The following MIGA1 variants were observed in gnomAD, a reference collection of about 807,000 sequenced individuals.
The protein encoded by MIGA1 is family with sequence similarity 73, member A.
A neutral mutation model predicts 82.0 loss-of-function variants in MIGA1; 58 were observed. The observed-to-expected ratio is 0.71, with a 90% CI of 0.57 to 0.88. MIGA1 has a LOEUF of 0.88. Ranked by LOEUF, MIGA1 falls within the 40% of genes least tolerant of loss-of-function variation. The pLI is 0.00. For synonymous variants in MIGA1, 249 were observed against 253.6 expected, an observed-to-expected ratio of 0.98 and a Z score of 0.17; for missense variants, 751 against 749.1, an observed-to-expected ratio of 1.00 and a Z score of -0.03.
chr1:77,834,472 GC>G (rs1684355603), intron 7 of MIGA1, among the ~76,000 whole-genome samples: 1 of 152,126 alleles, frequency 6.6e-6, no homozygotes, highest in African/African-American at 2.4e-5. Flanking sequence ...CACTGCACCT[GC>G]CCCAAGTTCT....
intron 8 of MIGA1, chr1:77,848,030 T>C (rs1684908625): frequency 7.8e-7 from 1 of 1,274,542 alleles, no homozygotes; most frequent in Non-Finnish European, 1.1e-6. Flanking sequence ...GAGGGCACAG[T>C]GCCAGACACC....
chr1:77,803,347 A>G lies in MIGA1; in HGVS notation c.451A>G (p.Asn151Asp). ...CAAAGACAAAGGATCTCAAGTTTGTAACTATGCTAATGGAGGACTTTTCAG... is the reference window on the plus strand; with the variant it reads ...CAAAGACAAAGGATCTCAAGTTTGTGACTATGCTAATGGAGGACTTTTCAG... The change falls in exon 4 of 16, where the codon AAC becomes GAC. Residue 151 changes from asparagine (N) to aspartate (D), a missense_variant. Coordinates refer to ENST00000370791, the MANE Select transcript of MIGA1 (RefSeq NM_198549.4). 6.4e-7 allele frequency: 1 copy of G among 1,571,002 alleles called. No individual in the cohort carries two copies. Among genetic ancestry groups the G allele is most frequent in the Non-Finnish European group, 8.7e-7 (1 of 1,155,646 alleles).
At chr1:77,792,402 C>G (rs1682464809) in intron 2 of MIGA1, among the ~76,000 whole-genome samples, 1 of 152,082 alleles carries the variant, frequency 6.6e-6, no homozygotes, top group Non-Finnish European at 1.5e-5. Flanking sequence ...CCTGGAATTT[C>G]TTAACAAGCA....
intron 7 of MIGA1, among the ~76,000 whole-genome samples, chr1:77,825,062 C>CA (rs1683978569): frequency 7.0e-6 from 1 of 142,632 alleles, no homozygotes; most frequent in South Asian, 2.2e-4. Context: ...GATCTTGGCT[C>CA]ACTGCAACCT....
intron 7 of MIGA1, 60 bp from the exon 8 acceptor site, chr1:77,843,247 G>A: frequency 8.1e-7 from 1 of 1,229,584 alleles, no homozygotes; most frequent in Non-Finnish European, 1.2e-6. Flanking sequence ...ACTATGGAAT[G>A]TGAAATACCA....
intron 8 of MIGA1, among the ~76,000 whole-genome samples, chr1:77,844,100 TAAAAA>T (rs140327554): frequency 2.3e-4 from 16 of 68,438 alleles, no homozygotes; most frequent in African/African-American, 5.8e-4. Flanking sequence ...GACCCTGTCT[TAAAAA>T]AAAAAAAAAT....
chr1:77,846,942 C>CA (rs746237313), intron 8 of MIGA1, among the ~76,000 whole-genome samples: 234 of 151,968 alleles, frequency 1.5e-3, no homozygotes, highest in Non-Finnish European at 2.3e-3. Flanking sequence ...GAGACTGTCT[C>CA]AAAAAATAAA....
chr1:77,800,665 T>C (rs1307248299), intron 2 of MIGA1, among the ~76,000 whole-genome samples: 1 of 152,250 alleles, frequency 6.6e-6, no homozygotes. Flanking sequence ...CACATTATGC[T>C]GTAATTATTT....
intron 9 of MIGA1, 113 bp downstream of exon 9, chr1:77,859,169 A>C (rs1685373964): frequency 1.0e-6 from 1 of 1,004,880 alleles, no homozygotes; most frequent in East Asian, 2.4e-5. Flanking sequence ...CAAGTAAAGA[A>C]AAAATTATTT....
intron 1 of MIGA1, among the ~76,000 whole-genome samples, chr1:77,780,894 A>ATTTTTTC (rs1223640652): frequency 6.9e-6 from 1 of 145,530 alleles, no homozygotes. Context: ...TTGTCATAAT[A>ATTTTTTC]TTTTTTCTTT....
At chr1:77,815,682 T>C (rs1683545472) in intron 7 of MIGA1, among the ~76,000 whole-genome samples, 1 of 152,242 alleles carries the variant, frequency 6.6e-6, no homozygotes, top group Admixed American at 6.5e-5. Flanking sequence ...TCATTACCTT[T>C]GTTTCCTACT....
intron 7 of MIGA1, among the ~76,000 whole-genome samples, chr1:77,837,282 G>A (rs998763447): frequency 2.6e-5 from 4 of 152,068 alleles, no homozygotes; most frequent in African/African-American, 7.2e-5. Context: ...TTGTTGCTAA[G>A]TCTTCAGAAT....
At chr1:77,841,311 A>G (rs1213227602) in intron 7 of MIGA1, among the ~76,000 whole-genome samples, 1 of 151,936 alleles carries the variant, frequency 6.6e-6, no homozygotes, top group Non-Finnish European at 1.5e-5. Context: ...AATACTTAAA[A>G]TGTAAAGTCT....
intron 14 of MIGA1, chr1:77,868,552 CTA>C (rs1385263707): frequency 6.6e-6 from 1 of 152,166 alleles, no homozygotes; most frequent in Non-Finnish European, 1.5e-5. Context: ...CCATAGATAC[CTA>C]TATGTCTCAC....
intron 14 of MIGA1, among the ~76,000 whole-genome samples, chr1:77,871,039 C>T (rs947586585): frequency 6.2e-4 from 86 of 138,698 alleles, no homozygotes; most frequent in Non-Finnish European, 1.2e-3. Flanking sequence ...GGCAGCAGTA[C>T]CGTCCAGCTT....
At chr1:77,821,362 A>G (rs373538842) in intron 7 of MIGA1, among the ~76,000 whole-genome samples, 9 of 150,770 alleles carry the variant, frequency 6.0e-5, no homozygotes, top group African/African-American at 2.2e-4. Context: ...GTTCTGAGTC[A>G]TCATTCTGAA....
chr1:77,818,578 T>G (rs1423895891), intron 7 of MIGA1, among the ~76,000 whole-genome samples: 2 of 152,156 alleles, frequency 1.3e-5, no homozygotes, highest in Admixed American at 6.5e-5. Flanking sequence ...CCCCTAGCTA[T>G]TAACACACAG....
intron 7 of MIGA1, among the ~76,000 whole-genome samples, chr1:77,821,419 T>G (rs1275551043): frequency 1.3e-5 from 2 of 151,800 alleles, no homozygotes; most frequent in South Asian, 4.2e-4. Context: ...AGATGGAATT[T>G]CGCTCTTGTT....
At chr1:77,857,820 T>C (rs763256411) in intron 8 of MIGA1, among the ~76,000 whole-genome samples, 1 of 147,732 alleles carries the variant, frequency 6.8e-6, no homozygotes, top group Non-Finnish European at 1.5e-5. Flanking sequence ...ATATGTAGAG[T>C]TGTTATGCTA....
Sources: allele counts gnomAD v4.1 joint callset (sites outside exome capture counted in the v4.1 genomes callset), GRCh38; gene constraint gnomAD v4.1.1; transcripts MANE v1.5; gene names NCBI Gene and HGNC (gene_info 2026-07-23, HGNC 2026-07-21).